Variants in GRK5 observed in about 807,000 individuals in gnomAD.
The protein encoded by GRK5 is G protein-coupled receptor kinase 5.
GRK5 carries 40 observed loss-of-function variants against 78.4 expected under a neutral mutation model. That is an observed-to-expected ratio of 0.51 (90% confidence interval 0.40 to 0.66). The LOEUF (loss-of-function observed/expected upper bound fraction) is 0.66. GRK5 is among the 30% of genes least tolerant of loss of function. The pLI is 0.00. For synonymous variants in GRK5, 289 were observed against 296.8 expected, an observed-to-expected ratio of 0.97 and a Z score of 0.27; for missense variants, 598 against 759.9, an observed-to-expected ratio of 0.79 and a Z score of 2.50.
intron 3 of GRK5, among the ~76,000 whole-genome samples, chr10:119,394,242 G>GTGTGGGTGTA (rs1189721305): frequency 1.2e-4 from 8 of 67,106 alleles, no homozygotes; most frequent in Non-Finnish European, 2.3e-4. Flanking sequence ...GTGTGTGGGT[G>GTGTGGGTGTA]TCTGTGTGTG....
chr10:119,380,939 C>G lies in GRK5; in HGVS notation c.261+12C>G, dbSNP rs762568686. 3.3e-6 allele frequency: 5 copies of G among 1,503,844 alleles called. No individual in the cohort carries two copies. In the South Asian group the frequency reaches 4.5e-5, roughly 14 times the overall value. 93.2% of individuals were successfully genotyped at this position (1,503,844 alleles called of 1,614,324 possible). On this transcript the variant is annotated intron_variant, in intron 3 of 15. Transcript: ENST00000392870. Reference sequence around the variant, plus strand: ...TCCTGGACTCCGTGGTAAGTTCCTGCTCCTGAGGGATGGTCCTGTGGTCCT... The same window carrying G: ...TCCTGGACTCCGTGGTAAGTTCCTGGTCCTGAGGGATGGTCCTGTGGTCCT...
At chr10:119,316,272 A>C (rs1339885656) in intron 1 of GRK5, among the ~76,000 whole-genome samples, 1 of 152,180 alleles carries the variant, frequency 6.6e-6, no homozygotes, top group African/African-American at 2.4e-5. Flanking sequence ...TGTGGCCTGG[A>C]GAGAAAAGAT....
At chr10:119,439,677 T>C (rs2245364) in intron 9 of GRK5, 54 bp from the exon 10 acceptor site, 1,420,109 of 1,592,308 alleles carry the variant, frequency 0.89, 634,697 homozygotes, top group African/African-American at 0.96. Context: ...GATGCCAGTG[T>C]ATCCTACCTG....
At position 119,430,320 on chromosome 10, in the gene GRK5, G is replaced by A. The variant is rs978449715; in HGVS notation, c.534-55G>A. ...TGCTCTCAATGTGCCACTGTTTCCT[G>A]TGGATTCTGAGTCTTGGCACCATGA... On this transcript the variant is annotated intron_variant, in intron 6 of 15. Transcript: ENST00000392870. The surrounding 1 kb of genome is among the most constrained non-coding windows in gnomAD (Gnocchi z 4.5). The A allele has an allele frequency of 2.0e-6, 3 of 1,502,110 alleles. No homozygotes were observed. Among genetic ancestry groups the A allele is most frequent in the South Asian group, 2.3e-5 (2 of 88,248 alleles). The allele number at this position is 1,502,110 out of a possible 1,614,324, so 93.0% of individuals were successfully genotyped here.
At chr10:119,361,602 G>A (rs1424808307) in intron 2 of GRK5, among the ~76,000 whole-genome samples, 6 of 152,294 alleles carry the variant, frequency 3.9e-5, no homozygotes, top group South Asian at 2.1e-4. Context: ...CTGAGGAGAC[G>A]TGAGAGGAAT....
intron 1 of GRK5, among the ~76,000 whole-genome samples, chr10:119,313,657 AG>A (rs1255624344): frequency 6.6e-6 from 1 of 151,690 alleles, no homozygotes; most frequent in East Asian, 1.9e-4. Context: ...TTTGTGGGGG[AG>A]GTGGCCTGGT....
chr10:119,370,268 A>G lies in GRK5; in HGVS notation c.149-10547A>G, dbSNP rs371215825. 1.6e-4 allele frequency among the ~76,000 whole-genome samples: 25 copies of G among 152,234 alleles called. No homozygotes were observed. The East Asian group carries it at 4.1e-3, about 25-fold the overall frequency. On this transcript the variant is annotated intron_variant, in intron 2 of 15. Coordinates refer to ENST00000392870, the MANE Select transcript of GRK5 (RefSeq NM_005308.3). ...CCACACTTCCCCTGCCTGGCAGCCC[A>G]GGCCCAGACACCCTGCGATTCAGTG...
At chr10:119,281,495 G>T (rs542918050) in intron 1 of GRK5, among the ~76,000 whole-genome samples, 1 of 152,288 alleles carries the variant, frequency 6.6e-6, no homozygotes, top group Admixed American at 6.5e-5. Context: ...GTCTGTGCAC[G>T]GCTCACCCCT....
At chr10:119,286,840 T>C (rs973163694) in intron 1 of GRK5, among the ~76,000 whole-genome samples, 1 of 152,188 alleles carries the variant, frequency 6.6e-6, no homozygotes, top group Non-Finnish European at 1.5e-5. Context: ...CTGTTTGGGA[T>C]CAAAGGCTCA....
chr10:119,263,915 A>G (rs1849452532), intron 1 of GRK5, among the ~76,000 whole-genome samples: 1 of 152,152 alleles, frequency 6.6e-6, no homozygotes, highest in East Asian at 1.9e-4. Flanking sequence ...GTGACAGAGC[A>G]AGACTCCGTC....
At chr10:119,332,166 G>A (rs1343181075) in intron 2 of GRK5, among the ~76,000 whole-genome samples, 1 of 151,404 alleles carries the variant, frequency 6.6e-6, no homozygotes, top group Non-Finnish European at 1.5e-5. Flanking sequence ...GAGTGCAGTG[G>A]CGTGATCTTG....
At chr10:119,344,222 C>T (rs1239436566) in intron 2 of GRK5, among the ~76,000 whole-genome samples, 6 of 151,396 alleles carry the variant, frequency 4.0e-5, no homozygotes, top group Non-Finnish European at 8.8e-5. Context: ...GGTACATGTG[C>T]ACAACGTGTG....
intron 1 of GRK5, among the ~76,000 whole-genome samples, chr10:119,265,279 G>C (rs1849475747): frequency 6.6e-6 from 1 of 152,242 alleles, no homozygotes; most frequent in South Asian, 2.1e-4. Context: ...TCAGGGTAGA[G>C]AAAGCCTTTG....
rs1308154141 is a variant in GRK5, at chr10:119,445,708, C to T, written c.1266+1956C>T. On this transcript the variant is annotated intron_variant, in intron 12 of 15. Transcript: ENST00000392870. The surrounding 1 kb of genome is among the most constrained non-coding windows in gnomAD (Gnocchi z 4.1). The stretch of plus-strand genomic sequence containing the variant: ...GCAGCATCTCCGGCATCTAGGCCTA[C>T]CTTGTCCCCTCCAGCTGGTGGCAGC... Among the ~76,000 whole-genome samples the T allele has an allele frequency of 6.6e-6, 1 of 152,234 alleles. No individual in the cohort carries two copies. The highest frequency in any genetic ancestry group is 2.4e-5 in the African/African-American group (1 of 41,456).
At chr10:119,332,613 C>T (rs545173499) in intron 2 of GRK5, among the ~76,000 whole-genome samples, 2 of 152,312 alleles carry the variant, frequency 1.3e-5, no homozygotes, top group African/African-American at 4.8e-5. Flanking sequence ...TTTTTCTCCA[C>T]CCCAGTCCAT....
At chr10:119,285,841 G>A (rs1849839651) in intron 1 of GRK5, among the ~76,000 whole-genome samples, 1 of 152,020 alleles carries the variant, frequency 6.6e-6, no homozygotes, top group African/African-American at 2.4e-5. Context: ...GAGGGATGAA[G>A]GACCCCTGTG....
intron 3 of GRK5, among the ~76,000 whole-genome samples, chr10:119,385,371 C>T (rs1851778396): frequency 6.6e-6 from 1 of 152,128 alleles, no homozygotes; most frequent in Non-Finnish European, 1.5e-5. Context: ...CTCAAGTGAT[C>T]TTCCTACCTT....
chr10:119,347,279 G>C (rs1216783884), intron 2 of GRK5, among the ~76,000 whole-genome samples: 1 of 152,078 alleles, frequency 6.6e-6, no homozygotes, highest in South Asian at 2.1e-4. Flanking sequence ...GTGTATGTTT[G>C]CAAGTGTGCA....
intron 1 of GRK5, among the ~76,000 whole-genome samples, chr10:119,310,551 T>C (rs1328961948): frequency 6.6e-6 from 1 of 152,232 alleles, no homozygotes; most frequent in African/African-American, 2.4e-5. Flanking sequence ...TTATTTTGCT[T>C]GGAAAGAACT....
Sources: allele counts gnomAD v4.1 joint callset (sites outside exome capture counted in the v4.1 genomes callset), GRCh38; gene constraint gnomAD v4.1.1; non-coding constraint Gnocchi (gnomAD v3.1); transcripts MANE v1.5; gene names NCBI Gene and HGNC (gene_info 2026-07-23, HGNC 2026-07-21).